ASH1L: variants seen among roughly 807,000 people sequenced by gnomAD.
The protein encoded by ASH1L is ASH1 like histone lysine methyltransferase.
In ASH1L, 23 loss-of-function variants were observed where a neutral mutation model predicts 269.0. That is an observed-to-expected ratio of 0.09 (90% confidence interval 0.06 to 0.12). The LOEUF (loss-of-function observed/expected upper bound fraction) is 0.12, where lower values mean the gene tolerates loss of function less well. Among genes scored for constraint, ASH1L ranks in the 10% least tolerant of loss-of-function variants. The pLI is 1.00. For synonymous variants in ASH1L, 1,187 were observed against 1,253.5 expected (o/e 0.95, Z 1.12); for missense variants, 2,912 against 3,567.8 (o/e 0.82, Z 4.68).
At chr1:155,534,250 C>T (rs1281747641) in intron 1 of ASH1L, among the ~76,000 whole-genome samples, 1 of 148,952 alleles carries the variant, frequency 6.7e-6, no homozygotes, top group Non-Finnish European at 1.5e-5. Flanking sequence ...TAACAAGATA[C>T]AAGCCTACAT....
intron 11 of ASH1L, 22 bp from the exon 12 acceptor site, chr1:155,370,672 G>A (rs114432750): frequency 1.9e-6 from 3 of 1,613,424 alleles, no homozygotes; most frequent in Middle Eastern, 1.6e-4. Context: ...ATAAATGATT[G>A]AAAGACAATT....
In ASH1L at chr1:155,480,849, C is replaced by T. The variant is rs1309962353; in HGVS notation, c.2021G>A (p.Ser674Asn). The T allele has an allele frequency of 1.2e-6, 2 of 1,613,810 alleles. No individual in the cohort carries two copies. The highest frequency in any genetic ancestry group is 2.2e-5 in the East Asian group (1 of 44,890). ...TAAAAAAGGCTTATTACTAAATAAA[C>T]TAGTGAAGTTAACAACTGAAGGAGT... The part of the protein sequence containing the change: ...TITPSVVNFT[S>N]LFSNKPFLKL... The change falls in exon 3 of 28, where the codon AGT becomes AAT. Residue 674 changes from serine (S) to asparagine (N), a missense_variant. Ser to Asn is a conservative substitution (Grantham distance 46). Coordinates refer to ENST00000392403, the MANE Select transcript of ASH1L (RefSeq NM_018489.3).
At chr1:155,557,683 T>TA (rs1217429074) in intron 1 of ASH1L, among the ~76,000 whole-genome samples, 2 of 152,148 alleles carry the variant, frequency 1.3e-5, no homozygotes, top group African/African-American at 4.8e-5. Context: ...ACGTGAAATA[T>TA]AAGACTATTA....
intron 3 of ASH1L, among the ~76,000 whole-genome samples, chr1:155,471,034 CT>C (rs1325136154): frequency 6.6e-6 from 1 of 152,172 alleles, no homozygotes; most frequent in Non-Finnish European, 1.5e-5. Flanking sequence ...TAACTAAAAA[CT>C]TTTCCTCGAC....
intron 12 of ASH1L, among the ~76,000 whole-genome samples, chr1:155,365,393 T>C (rs1655324548): frequency 6.9e-6 from 1 of 145,000 alleles, no homozygotes; most frequent in South Asian, 2.2e-4. Flanking sequence ...TTTTTTTTTT[T>C]TGTATTTTTA....
At chr1:155,443,569 C>T (rs72993428) in intron 4 of ASH1L, among the ~76,000 whole-genome samples, 7,946 of 152,218 alleles carry the variant, frequency 0.052, 696 homozygotes, top group African/African-American at 0.18. Context: ...TAAAAAGTTA[C>T]TGTGTGTCCT....
chr1:155,350,587 G>A (rs1024603818), intron 17 of ASH1L, among the ~76,000 whole-genome samples: 1 of 152,148 alleles, frequency 6.6e-6, no homozygotes, highest in Non-Finnish European at 1.5e-5. Context: ...TATCCAAAAA[G>A]TGCTTTCTAG....
At position 155,411,358 on chromosome 1, in the gene ASH1L, A is replaced by G. The variant is rs368069033; in HGVS notation, c.6008+4386T>C. On this transcript the variant is annotated intron_variant, in intron 6 of 27. Transcript: ENST00000392403. ...TGGGAGAGGAAGAGCTAGTTCTAAC[A>G]TACATAAAGTGATATTTCAGTCCAT... 3.3e-5 allele frequency among the ~76,000 whole-genome samples: 5 copies of G among 151,598 alleles called. 2 individuals are homozygous for G.
At position 155,416,724 on chromosome 1, in the gene ASH1L, C is replaced by T. The variant is rs114715065; in HGVS notation, c.5829-801G>A. On this transcript the variant is annotated intron_variant, in intron 5 of 27. Coordinates refer to ENST00000392403, the MANE Select transcript of ASH1L (RefSeq NM_018489.3). ...ATAATTTTTGTATTTTTAGTAGAGA[C>T]GGTTTTTAGTTTCACCATGTTGGCC... 7.4e-3 allele frequency among the ~76,000 whole-genome samples: 1,116 copies of T among 151,188 alleles called. 16 individuals carry two copies. The highest frequency in any genetic ancestry group is 0.026 in the African/African-American group (1,052 of 41,212).
Position 155,343,526 on chromosome 1 carries a change from A to T in ASH1L, c.8121-40T>A. The T allele has an allele frequency of 6.2e-7, 1 of 1,612,254 alleles. No individual in the cohort carries two copies. Among genetic ancestry groups the T allele is most frequent in the South Asian group, 1.1e-5 (1 of 90,858 alleles). On this transcript the variant is annotated intron_variant, in intron 23 of 27. Coordinates refer to ENST00000392403, the MANE Select transcript of ASH1L (RefSeq NM_018489.3). This position sits in a 1 kb window ranked among gnomAD's most constrained non-coding sequence, Gnocchi z 6.1. ...AAGTGAGAAGGGAGAGGTTTAGCTG[A>T]TTAGCAAGATCCTAGTGAACATTCA...
chr1:155,360,189 C>G, intron 13 of ASH1L, 112 bp downstream of exon 13: 1 of 724,940 alleles, frequency 1.4e-6, no homozygotes, highest in Non-Finnish European at 2.4e-6. Context: ...TGTGTCCAGC[C>G]TCCCACATAC....
At chr1:155,424,426 A>AGAC (rs1394751341) in intron 5 of ASH1L, among the ~76,000 whole-genome samples, 1 of 149,710 alleles carries the variant, frequency 6.7e-6, no homozygotes, top group Non-Finnish European at 1.5e-5. Context: ...TTTTTTTTTG[A>AGAC]GACAGAGTTT....
At chr1:155,446,783 G>T (rs372955313) in intron 4 of ASH1L, among the ~76,000 whole-genome samples, 2 of 151,956 alleles carry the variant, frequency 1.3e-5, no homozygotes, top group Non-Finnish European at 2.9e-5. Flanking sequence ...CACCGCGCCC[G>T]GCTAATTTTT....
rs1366593481 is a variant in ASH1L, at chr1:155,485,573, T to C, written c.421-3124A>G. Among the ~76,000 whole-genome samples, 3 of 152,276 alleles carry C rather than the reference T, an allele frequency of 2.0e-5. No individual in the cohort carries two copies. The East Asian group carries it at 5.8e-4, about 29-fold the overall frequency. Reference sequence around the variant, plus strand: ...TTTAGACAGATAGATGACTAACAGATACATAGATAAAATAGGTAACCATGT... The same window carrying C: ...TTTAGACAGATAGATGACTAACAGACACATAGATAAAATAGGTAACCATGT... On this transcript the variant is annotated intron_variant, in intron 2 of 27. Coordinates refer to ENST00000392403, the MANE Select transcript of ASH1L (RefSeq NM_018489.3).
At chr1:155,421,541 G>A (rs191170103) in intron 5 of ASH1L, among the ~76,000 whole-genome samples, 1 of 151,276 alleles carries the variant, frequency 6.6e-6, no homozygotes, top group Non-Finnish European at 1.5e-5. Context: ...CATGGTGGTG[G>A]GTGCCTGTAG....
intron 6 of ASH1L, among the ~76,000 whole-genome samples, chr1:155,397,978 T>A (rs527443164): frequency 6.6e-6 from 1 of 152,196 alleles, no homozygotes; most frequent in African/African-American, 2.4e-5. Context: ...TAAACAAGTA[T>A]AAAATTATTT....
At chr1:155,519,980 C>T (rs867384986) in intron 2 of ASH1L, among the ~76,000 whole-genome samples, 1 of 152,036 alleles carries the variant, frequency 6.6e-6, no homozygotes, top group African/African-American at 2.4e-5. Context: ...TATTACCAGT[C>T]GCTGCAGACA....
intron 21 of ASH1L, 46 bp downstream of exon 21, chr1:155,346,337 A>T: frequency 6.3e-7 from 1 of 1,591,906 alleles, no homozygotes; most frequent in Admixed American, 1.7e-5. Flanking sequence ...ACCATGTGCT[A>T]CCTCTCCTAC....
chr1:155,500,660 A>G (rs1667442757), intron 2 of ASH1L, among the ~76,000 whole-genome samples: 2 of 152,138 alleles, frequency 1.3e-5, no homozygotes, highest in Non-Finnish European at 2.9e-5. Context: ...CAAGTCCCAA[A>G]TTCTCTGGTA....
Sources: gnomAD v4.1 joint callset for allele counts (sites outside exome capture counted in the v4.1 genomes callset) on GRCh38, gnomAD v4.1.1 for gene constraint, Gnocchi (gnomAD v3.1) non-coding constraint, MANE v1.5 for transcripts, NCBI Gene and HGNC (gene_info 2026-07-23, HGNC 2026-07-21) for gene names.